The following KIAA1549L variants were observed in gnomAD, a reference collection of about 807,000 sequenced individuals.
The protein encoded by KIAA1549L is KIAA1549 like.
KIAA1549L carries 88 observed loss-of-function variants against 160.7 expected under a neutral mutation model. That is an observed-to-expected ratio of 0.55 (90% CI 0.46 to 0.65). The LOEUF is 0.65. KIAA1549L is among the 30% of genes least tolerant of loss of function. KIAA1549L has a pLI of 0.00. For synonymous variants in KIAA1549L, 950 were observed against 976.7 expected, an observed-to-expected ratio of 0.97 and a Z score of 0.51; for missense variants, 2,258 against 2,437.5, an observed-to-expected ratio of 0.93 and a Z score of 1.55.
intron 16 of KIAA1549L, among the ~76,000 whole-genome samples, chr11:33,635,502 A>G (rs1225851236): frequency 6.6e-6 from 1 of 152,192 alleles, no homozygotes; most frequent in Non-Finnish European, 1.5e-5. Context: ...TCAAATTCCT[A>G]TGCTCCAGAA....
intron 13 of KIAA1549L, among the ~76,000 whole-genome samples, chr11:33,602,973 C>A (rs1009840922): frequency 1.3e-5 from 2 of 152,064 alleles, no homozygotes; most frequent in African/African-American, 4.8e-5. Flanking sequence ...GCTATGCTGC[C>A]CACCTTACCC....
chr11:33,466,698 G>A (rs926014332), intron 1 of KIAA1549L, among the ~76,000 whole-genome samples: 13 of 152,146 alleles, frequency 8.5e-5, no homozygotes, highest in African/African-American at 2.9e-4. Context: ...GTTCACAATA[G>A]CAAAGACTTG....
intron 19 of KIAA1549L, among the ~76,000 whole-genome samples, chr11:33,660,564 CAAA>C (rs72519772): frequency 1.9e-5 from 2 of 103,470 alleles, no homozygotes; most frequent in Non-Finnish European, 4.0e-5. Flanking sequence ...GACTCCGTCT[CAAA>C]AAAAAAAAAG....
At chr11:33,618,218 G>T (rs1029660854) in intron 15 of KIAA1549L, among the ~76,000 whole-genome samples, 5 of 152,186 alleles carry the variant, frequency 3.3e-5, no homozygotes, top group African/African-American at 1.2e-4. Context: ...GTCCTAGAGG[G>T]TCAAGGGAGA....
chr11:33,545,248 C>T lies in KIAA1549L; in HGVS notation c.3255C>T (p.Thr1085=). Residue 1085 remains threonine (T), a synonymous_variant, in exon 3 of 21, where the codon ACC becomes ACT. Transcript: ENST00000658780. ...CCATTACAGCCTCAGTGAAGGCCAC[C>T]CGGTTGCCACCATTGCGAGCAGAAA... ...LTSITASVKA[T]RLPPLRAENT... The T allele has an allele frequency of 6.2e-7, 1 of 1,614,020 alleles. No individual in the cohort carries two copies. Among genetic ancestry groups the T allele is most frequent in the Non-Finnish European group, 8.5e-7 (1 of 1,179,900 alleles).
Position 33,543,823 on chromosome 11 carries a change from A to T in KIAA1549L, c.2260A>T (p.Ile754Leu). ...TGGTTTAACTTCAGCTGCCGATGCC[A>T]TAAAATCTCAGGATTTCAAAGATAC... Reference protein sequence around the residue: ...PNGLTSAADAIKSQDFKDTAG... With the variant: ...PNGLTSAADALKSQDFKDTAG... Residue 754 changes from isoleucine (I) to leucine (L), a missense_variant, in exon 2 of 21, where the codon ATA becomes TTA. Around this residue, in one of 6 missense-constraint regions of KIAA1549L, gnomAD observed 287 missense variants for 292.3 expected, o/e 0.98. Coordinates refer to ENST00000658780, the MANE Select transcript of KIAA1549L (RefSeq NM_012194.3). 1.2e-6 allele frequency: 2 copies of T among 1,614,068 alleles called. No homozygotes were observed. The highest frequency in any genetic ancestry group is 1.7e-6 in the Non-Finnish European group (2 of 1,179,896).
At chr11:33,547,713 G>A (rs1468547258) in intron 3 of KIAA1549L, 51 bp from the exon 4 acceptor site, 1 of 1,158,344 alleles carries the variant, frequency 8.6e-7, no homozygotes, top group Non-Finnish European at 1.3e-6. Context: ...GCAAGTGAAT[G>A]ATGAGGTTTG....
intron 16 of KIAA1549L, among the ~76,000 whole-genome samples, chr11:33,631,462 G>A (rs1851286774): frequency 6.6e-6 from 1 of 152,196 alleles, no homozygotes; most frequent in Non-Finnish European, 1.5e-5. Flanking sequence ...GGGCTGTAGA[G>A]TTTCTTCATA....
chr11:33,625,402 A>C (rs1031498381), intron 16 of KIAA1549L, among the ~76,000 whole-genome samples: 1 of 152,168 alleles, frequency 6.6e-6, no homozygotes, highest in East Asian at 1.9e-4. Context: ...CTATTTCTCC[A>C]TATCCTCTCC....
rs545000624 is a variant in KIAA1549L at position 33,415,300 on chromosome 11, G to A, written c.238+38411G>A. Among the ~76,000 whole-genome samples, 56 of 152,280 alleles carry A rather than the reference G, an allele frequency of 3.7e-4. 1 individual carries two copies. Among genetic ancestry groups the A allele is most frequent in the African/African-American group, 1.3e-3 (54 of 41,542 alleles). ...AGTGGATTGCATAAGGTGCAACTGA[G>A]TTTCATGAATATGGTGCCTATATGT... On this transcript the variant is annotated intron_variant, in intron 1 of 20. Coordinates refer to ENST00000658780, the MANE Select transcript of KIAA1549L (RefSeq NM_012194.3).
rs1004863281 is a variant in KIAA1549L at position 33,518,963 on chromosome 11, C to T, written c.239-22839C>T. Among the ~76,000 whole-genome samples, 9 of 152,324 alleles carry T rather than the reference C, an allele frequency of 5.9e-5. No individual in the cohort carries two copies. The South Asian group carries it at 8.3e-4, about 14-fold the overall frequency. ...ATATCCTATGAGTATCACATTGACA[C>T]TCAAAGACTTTTGGATTTTGGAGCA... On this transcript the variant is annotated intron_variant, in intron 1 of 20. Transcript: ENST00000658780.
intron 18 of KIAA1549L, among the ~76,000 whole-genome samples, chr11:33,658,542 C>T (rs376655667): frequency 7.9e-5 from 12 of 152,324 alleles, no homozygotes; most frequent in African/African-American, 2.9e-4. Context: ...CTGAGGCCAC[C>T]ATGACAGCTG....
At chr11:33,427,401 C>T (rs1851140570) in intron 1 of KIAA1549L, among the ~76,000 whole-genome samples, 1 of 152,106 alleles carries the variant, frequency 6.6e-6, no homozygotes, top group Admixed American at 6.5e-5. Context: ...CCAGCAGTTC[C>T]CCCTGCTCAG....
intron 1 of KIAA1549L, among the ~76,000 whole-genome samples, chr11:33,390,288 G>A (rs1489194346): frequency 6.6e-6 from 1 of 152,162 alleles, no homozygotes; most frequent in African/African-American, 2.4e-5. Context: ...AAGGTTACTG[G>A]CTGTGCATCT....
intron 15 of KIAA1549L, among the ~76,000 whole-genome samples, chr11:33,615,030 G>A (rs1040179048): frequency 2.0e-5 from 3 of 151,926 alleles, no homozygotes; most frequent in South Asian, 2.1e-4. Context: ...TTGAGCCTCC[G>A]TTACCCAAAA....
intron 1 of KIAA1549L, among the ~76,000 whole-genome samples, chr11:33,378,790 G>A (rs555740066): frequency 6.6e-6 from 1 of 152,102 alleles, no homozygotes; most frequent in East Asian, 1.9e-4. Flanking sequence ...CTCAGTGGAA[G>A]GGTTAAACAC....
At position 33,542,760 on chromosome 11, in the gene KIAA1549L, T is replaced by G. The variant is rs1244781009; in HGVS notation, c.1197T>G (p.Asn399Lys). Residue 399 changes from asparagine (N) to lysine (K), a missense_variant, in exon 2 of 21, where the codon AAT becomes AAG. Transcript: ENST00000658780. ...IKAGVPGRVHNGVSLPTFKNT... is the reference protein window; with the variant it reads ...IKAGVPGRVHKGVSLPTFKNT... ...CTGGGGTGCCTGGAAGAGTGCACAA[T>G]GGGGTGTCTTTGCCAACTTTTAAGA... 2 of 1,613,774 alleles carry G rather than the reference T, an allele frequency of 1.2e-6. No individual in the cohort carries two copies.
In KIAA1549L at chr11:33,574,740, A is replaced by G. The variant is rs1191679930; in HGVS notation, c.4269A>G (p.Pro1423=). Residue 1423 remains proline, a synonymous_variant, in exon 10 of 21, where the codon CCA becomes CCG. Coordinates refer to ENST00000658780, the MANE Select transcript of KIAA1549L (RefSeq NM_012194.3). The part of the protein sequence containing the change: ...KMQRVPGPKD[P]AELTYYTLYN... The stretch of plus-strand genomic sequence containing the variant: ...AGCGTGTCCCAGGCCCGAAGGACCC[A>G]GCGGAGCTGACTTACTATACCCTGT... 6.2e-7 allele frequency: 1 copy of G among 1,613,700 alleles called. No homozygotes were observed. Among genetic ancestry groups the G allele is most frequent in the East Asian group, 2.2e-5 (1 of 44,896 alleles).
At chr11:33,629,360 C>A (rs1474510271) in intron 16 of KIAA1549L, among the ~76,000 whole-genome samples, 1 of 152,082 alleles carries the variant, frequency 6.6e-6, no homozygotes, top group African/African-American at 2.4e-5. Context: ...GGAAGTTCTC[C>A]TGGATAATAT....
Sources: gnomAD v4.1 joint callset for allele counts (sites outside exome capture counted in the v4.1 genomes callset) on GRCh38, gnomAD v4.1.1 for gene constraint, gnomAD v4.1.1 regional missense constraint, MANE v1.5 for transcripts, NCBI Gene and HGNC (gene_info 2026-07-23, HGNC 2026-07-21) for gene names.